ZNF469: variants seen among roughly 807,000 people sequenced by gnomAD.
The protein encoded by ZNF469 is zinc finger protein 469.
ZNF469 carries 1 observed loss-of-function variant against 1.0 expected under a neutral mutation model. That is an observed-to-expected ratio of 1.00 (90% CI 0.35 to 4.73). The LOEUF (loss-of-function observed/expected upper bound fraction) is 4.73, where lower values mean the gene tolerates loss of function less well. Ranked by LOEUF, ZNF469 falls within the 30% of genes most tolerant of loss-of-function variation. The pLI, the probability that ZNF469 is intolerant of heterozygous loss-of-function variation, is 0.16. For missense variants in ZNF469, 6,100 were observed against 5,356.3 expected (o/e 1.14, Z -4.33); for synonymous variants, 2,703 against 2,363.4 (o/e 1.14, Z -4.17).
At chr16:88,153,175 C>T in the ZNF469 span, among the ~76,000 whole-genome samples, 2 of 152,228 alleles carry the variant, frequency 1.3e-5, no homozygotes, top group Non-Finnish European at 2.9e-5. Flanking sequence ...AGCCCAATCT[C>T]GTTCTCTCTG....
At chr16:88,403,362 G>A (rs1419027022) in intron 1 of ZNF469, among the ~76,000 whole-genome samples, 1 of 152,240 alleles carries the variant, frequency 6.6e-6, no homozygotes, top group East Asian at 1.9e-4. Flanking sequence ...GGTGGCTCTG[G>A]GTTCCGTCTC....
chr16:88,337,038 G>A, the ZNF469 span, among the ~76,000 whole-genome samples: 10 of 152,126 alleles, frequency 6.6e-5, no homozygotes, highest in Admixed American at 3.9e-4. Context: ...ACTCCTCTTC[G>A]TGGCTGAAAA....
chr16:88,304,991 C>T, the ZNF469 span, among the ~76,000 whole-genome samples: 1 of 152,132 alleles, frequency 6.6e-6, no homozygotes, highest in Non-Finnish European at 1.5e-5. Flanking sequence ...CCTCCCCAAG[C>T]CACTGGATGA....
At chr16:88,309,108 A>G in the ZNF469 span, among the ~76,000 whole-genome samples, 1 of 152,206 alleles carries the variant, frequency 6.6e-6, no homozygotes, top group Non-Finnish European at 1.5e-5. Flanking sequence ...GTTTTCTCAC[A>G]GATTTTCCCC....
rs1047653960 is a variant in ZNF469, at chr16:88,435,821, G to A, written c.8351G>A (p.Arg2784Gln). ...PAEDSSRAHS[R>Q]SEEGVWEENT... ...GAGGACAGCAGCAGGGCCCACAGCCGATCAGAGGAAGGTGTCTGGGAGGAG... is the reference window on the plus strand; with the variant it reads ...GAGGACAGCAGCAGGGCCCACAGCCAATCAGAGGAAGGTGTCTGGGAGGAG... Residue 2784 changes from arginine to glutamine, a missense_variant, in exon 3 of 3, where the codon CGA becomes CAA. Transcript: ENST00000565624. 27 of 1,550,416 alleles carry A rather than the reference G, an allele frequency of 1.7e-5. No homozygotes were observed. Among genetic ancestry groups the A allele is most frequent in the South Asian group, 9.5e-5 (8 of 84,064 alleles).
chr16:88,245,987 G>A, the ZNF469 span, among the ~76,000 whole-genome samples: 2 of 152,282 alleles, frequency 1.3e-5, no homozygotes, highest in Non-Finnish European at 2.9e-5. Context: ...TCCAACAAAA[G>A]CAGAGAGGAC....
At chr16:88,368,810 G>C in the ZNF469 span, among the ~76,000 whole-genome samples, 32 of 152,128 alleles carry the variant, frequency 2.1e-4, no homozygotes. Context: ...TCAAAGGCCT[G>C]GGCAGGCCAG....
the ZNF469 span, among the ~76,000 whole-genome samples, chr16:88,350,273 C>T: frequency 6.6e-6 from 1 of 152,162 alleles, no homozygotes; most frequent in Non-Finnish European, 1.5e-5. Context: ...AAGGGCCCTG[C>T]CCCCCCGTCC....
chr16:88,123,031 T>C, the ZNF469 span, among the ~76,000 whole-genome samples: 2 of 152,152 alleles, frequency 1.3e-5, no homozygotes, highest in Non-Finnish European at 2.9e-5. Flanking sequence ...ATTGCCTCTT[T>C]GTTGGCTATC....
At chr16:88,193,077 G>GAT in the ZNF469 span, among the ~76,000 whole-genome samples, 1 of 146,852 alleles carries the variant, frequency 6.8e-6, no homozygotes, top group Non-Finnish European at 1.5e-5. Context: ...TGGTGGTGGT[G>GAT]GTGATGGTGG....
chr16:88,134,290 T>C, the ZNF469 span, among the ~76,000 whole-genome samples: 1 of 152,246 alleles, frequency 6.6e-6, no homozygotes, highest in African/African-American at 2.4e-5. Context: ...TTGTTCCTTT[T>C]CATGGCTGCA....
At chr16:88,380,495 ATG>A (rs1350606516), upstream of ZNF469, among the ~76,000 whole-genome samples, 65 of 86,968 alleles carry the variant, frequency 7.5e-4, no homozygotes, top group African/African-American at 8.1e-3. Context: ...GCACACACAC[ATG>A]CACTCACACA....
At chr16:88,198,365 C>G in the ZNF469 span, among the ~76,000 whole-genome samples, 1 of 152,140 alleles carries the variant, frequency 6.6e-6, no homozygotes, top group African/African-American at 2.4e-5. Flanking sequence ...CCCCTCATTA[C>G]ATGTGTTAAA....
the ZNF469 span, among the ~76,000 whole-genome samples, chr16:88,168,815 T>C: frequency 1.3e-5 from 2 of 152,162 alleles, no homozygotes; most frequent in African/African-American, 4.8e-5. The surrounding 1 kb of genome is among the most constrained non-coding windows in gnomAD (Gnocchi z 4.3). Flanking sequence ...ACTCTGAGGC[T>C]GGGCTTTGTG....
At chr16:88,389,436 T>A (rs1437108964) in intron 1 of ZNF469, among the ~76,000 whole-genome samples, 1 of 152,258 alleles carries the variant, frequency 6.6e-6, no homozygotes, top group Non-Finnish European at 1.5e-5. Context: ...GCCTCCCCTG[T>A]CTGGCTGTTG....
the ZNF469 span, among the ~76,000 whole-genome samples, chr16:88,332,300 T>G: frequency 1.3e-5 from 2 of 152,242 alleles, no homozygotes; most frequent in African/African-American, 4.8e-5. Context: ...CCAAGAATGC[T>G]GTGGCTTATT....
At position 88,436,921 on chromosome 16, in the gene ZNF469, C is replaced by T. The variant is rs755567767; in HGVS notation, c.9451C>T (p.Arg3151Cys). ...GCCCACCTGCTACATGTGCGTGGAG[C>T]GCAGGTTTGGCTCGCGGGAGCTGCT... ...PPPTCYMCVE[R>C]RFGSRELLRG... Residue 3151 changes from arginine to cysteine, a missense_variant, in exon 3 of 3, where the codon CGC becomes TGC. Physicochemically the swap from Arg to Cys is radical, Grantham distance 180. Transcript: ENST00000565624. 5 of 1,498,048 alleles carry T rather than the reference C, an allele frequency of 3.3e-6. No homozygotes were observed. Among genetic ancestry groups the T allele is most frequent in the South Asian group, 1.3e-5 (1 of 78,340 alleles). 92.8% of individuals were successfully genotyped at this position (1,498,048 alleles called of 1,614,324 possible). A position where few individuals can be genotyped will look rare whatever the true frequency, so the allele number is the denominator to read the frequency against.
rs1367682769 is a variant in ZNF469, at chr16:88,429,397, G to A, written c.1927G>A (p.Glu643Lys). 1.9e-6 allele frequency: 3 copies of A among 1,548,772 alleles called. No individual in the cohort carries two copies. Among genetic ancestry groups the A allele is most frequent in the African/African-American group, 1.4e-5 (1 of 72,930 alleles). ...CTTCCACCCACCCACTCACCCCCAG[G>A]AGACGGGCAGCCCCTTCCCGTCCCC... The part of the protein sequence containing the change: ...AFFHPPTHPQ[E>K]TGSPFPSPEP... Residue 643 changes from glutamate (E) to lysine (K), a missense_variant, in exon 3 of 3, where the codon GAG (glutamate) becomes AAG (lysine). Transcript: ENST00000565624.
chr16:88,406,743 G>A (rs939829993), intron 1 of ZNF469, among the ~76,000 whole-genome samples: 1 of 152,198 alleles, frequency 6.6e-6, no homozygotes, highest in African/African-American at 2.4e-5. Context: ...GTGTGCGCCT[G>A]GGCATAGAGG....
Sources: allele counts gnomAD v4.1 joint callset (sites outside exome capture counted in the v4.1 genomes callset), GRCh38; gene constraint gnomAD v4.1.1; non-coding constraint Gnocchi (gnomAD v3.1); transcripts MANE v1.5; gene names NCBI Gene and HGNC (gene_info 2026-07-23, HGNC 2026-07-21).